Variants in CARMIL1 observed in about 807,000 individuals in gnomAD.
CARMIL1 encodes the protein F-actin-uncapping protein LRRC16A.
In CARMIL1, 90 loss-of-function variants were observed where a neutral mutation model predicts 177.1. That is an observed-to-expected ratio of 0.51 (90% CI 0.43 to 0.61). The LOEUF (loss-of-function observed/expected upper bound fraction) is 0.61, where lower values mean the gene tolerates loss of function less well. Ranked by LOEUF, CARMIL1 falls within the 20% of genes least tolerant of loss-of-function variation. The pLI is 0.00. For missense variants in CARMIL1, 1,380 were observed against 1,667.0 expected (o/e 0.83, Z 3.00); for synonymous variants, 577 against 606.2 (o/e 0.95, Z 0.71).
At chr6:25,586,180 C>T (rs1333717660) in intron 31 of CARMIL1, among the ~76,000 whole-genome samples, 1 of 147,436 alleles carries the variant, frequency 6.8e-6, no homozygotes, top group Non-Finnish European at 1.5e-5. Context: ...CGGGCAGAGA[C>T]GCTCCTCACT....
chr6:25,582,544 G>A (rs1463965290), intron 31 of CARMIL1, among the ~76,000 whole-genome samples: 4 of 152,042 alleles, frequency 2.6e-5, no homozygotes, highest in Non-Finnish European at 4.4e-5. Flanking sequence ...TCATATCCCT[G>A]GTTTTTCTTG....
At chr6:25,396,862 G>T (rs1431192395) in intron 2 of CARMIL1, among the ~76,000 whole-genome samples, 2 of 152,128 alleles carry the variant, frequency 1.3e-5, no homozygotes, top group Admixed American at 6.5e-5. Flanking sequence ...AGGACAAGGG[G>T]CTCACCCAAC....
intron 2 of CARMIL1, among the ~76,000 whole-genome samples, chr6:25,412,426 T>TA (rs996490128): frequency 2.6e-5 from 4 of 152,022 alleles, no homozygotes; most frequent in African/African-American, 7.2e-5. Flanking sequence ...TGTAAAAAAT[T>TA]AAAAACTAGC....
At chr6:25,592,786 C>T (rs749982485) in intron 31 of CARMIL1, among the ~76,000 whole-genome samples, 4 of 152,204 alleles carry the variant, frequency 2.6e-5, no homozygotes, top group Non-Finnish European at 5.9e-5. Context: ...TCCCACCGCT[C>T]TATGGCAAGA....
chr6:25,362,388 A>G (rs917040723), intron 2 of CARMIL1, among the ~76,000 whole-genome samples: 2 of 152,226 alleles, frequency 1.3e-5, no homozygotes, highest in African/African-American at 4.8e-5. Flanking sequence ...TAAAACCACT[A>G]CACGGGCCGG....
At chr6:25,615,791 A>T (rs1368100863) in intron 36 of CARMIL1, among the ~76,000 whole-genome samples, 21 of 152,264 alleles carry the variant, frequency 1.4e-4, no homozygotes, top group Admixed American at 1.4e-3. Context: ...TTTTAAGGTC[A>T]TCATAGTGTT....
intron 27 of CARMIL1, among the ~76,000 whole-genome samples, chr6:25,551,425 T>G (rs778476276): frequency 1.1e-4 from 17 of 152,182 alleles, no homozygotes; most frequent in Non-Finnish European, 1.6e-4. Flanking sequence ...AAGATTGAGA[T>G]CAGTTTGCTT....
chr6:25,549,304 G>A (rs1432607977), intron 26 of CARMIL1, among the ~76,000 whole-genome samples: 2 of 152,172 alleles, frequency 1.3e-5, no homozygotes, highest in Admixed American at 6.5e-5. Context: ...TAACTGATAT[G>A]TTGAAGAACA....
intron 2 of CARMIL1, among the ~76,000 whole-genome samples, chr6:25,412,632 C>T (rs1487813384): frequency 6.6e-6 from 1 of 152,100 alleles, no homozygotes; most frequent in African/African-American, 2.4e-5. Flanking sequence ...TTGCTCTTAG[C>T]CATGTATATA....
At chr6:25,369,356 AG>A (rs1399289768) in intron 2 of CARMIL1, among the ~76,000 whole-genome samples, 1 of 148,340 alleles carries the variant, frequency 6.7e-6, no homozygotes, top group Non-Finnish European at 1.5e-5. Context: ...TCAGCTTAAC[AG>A]TTGAATGCAA....
intron 2 of CARMIL1, among the ~76,000 whole-genome samples, chr6:25,355,492 A>C (rs28744391): frequency 0.046 from 6,948 of 152,144 alleles, 222 homozygotes; most frequent in Middle Eastern, 0.11. Context: ...AAAAAGAAAA[A>C]AAATTAATTG....
At chr6:25,295,772 C>T (rs1166394963) in intron 2 of CARMIL1, among the ~76,000 whole-genome samples, 1 of 152,226 alleles carries the variant, frequency 6.6e-6, no homozygotes, top group Non-Finnish European at 1.5e-5. Flanking sequence ...TGAGAAAGTC[C>T]TGTGACTTCA....
chr6:25,346,142 A>G (rs973332008), intron 2 of CARMIL1, among the ~76,000 whole-genome samples: 8 of 139,540 alleles, frequency 5.7e-5, no homozygotes, highest in African/African-American at 2.2e-4. Context: ...AGATTACGTC[A>G]CTCTTCTTCC....
intron 3 of CARMIL1, 30 bp downstream of exon 3, chr6:25,420,194 A>G: frequency 6.3e-7 from 1 of 1,599,670 alleles, no homozygotes; most frequent in Non-Finnish European, 8.6e-7. Flanking sequence ...TTCCTTCTGC[A>G]CTCACACTCA....
intron 12 of CARMIL1, among the ~76,000 whole-genome samples, chr6:25,487,987 C>G (rs1015373958): frequency 5.9e-5 from 9 of 152,108 alleles, no homozygotes; most frequent in African/African-American, 1.2e-4. Flanking sequence ...TTGTGAAATC[C>G]ATTTTAATCC....
chr6:25,364,941 C>T (rs1789616972), intron 2 of CARMIL1, among the ~76,000 whole-genome samples: 1 of 152,308 alleles, frequency 6.6e-6, no homozygotes. Context: ...GCCCAAGCAT[C>T]CCTGATTCTC....
Position 25,554,104 on chromosome 6 carries a change from CTGTGCACATCT to C in CARMIL1, c.2592+11_2592+21del, listed in dbSNP as rs1233186081. 6.4e-7 allele frequency: 1 copy of C among 1,572,800 alleles called. No homozygotes were observed. The highest frequency in any genetic ancestry group is 8.7e-7 in the Non-Finnish European group (1 of 1,154,782). On this transcript the variant is annotated intron_variant, in intron 28 of 36. Coordinates refer to ENST00000329474, the MANE Select transcript of CARMIL1 (RefSeq NM_017640.6). The surrounding 1 kb of genome is among the most constrained non-coding windows in gnomAD (Gnocchi z 4.6). ...CATTGCCATCATAAACTGGTGAGTG[CTGTGCACATCT>C]TGAGCAGGACCTCCTGTTTCAGCTC...
intron 26 of CARMIL1, among the ~76,000 whole-genome samples, chr6:25,544,866 G>T (rs1809290764): frequency 6.6e-6 from 1 of 152,126 alleles, no homozygotes; most frequent in Non-Finnish European, 1.5e-5. Flanking sequence ...AGCAATCCAA[G>T]GTCCTAGTTT....
chr6:25,313,856 T>C (rs1395275683), intron 2 of CARMIL1, among the ~76,000 whole-genome samples: 1 of 151,388 alleles, frequency 6.6e-6, no homozygotes, highest in Non-Finnish European at 1.5e-5. Context: ...AGAGTGGGCA[T>C]GAGAAACCAC....
Sources: gnomAD v4.1 joint callset for allele counts (sites outside exome capture counted in the v4.1 genomes callset) on GRCh38, gnomAD v4.1.1 for gene constraint, Gnocchi (gnomAD v3.1) non-coding constraint, MANE v1.5 for transcripts, NCBI Gene and HGNC (gene_info 2026-07-23, HGNC 2026-07-21) for gene names.